The following FAXDC2 variants were observed in gnomAD, a reference collection of about 807,000 sequenced individuals.
The protein encoded by FAXDC2 is fatty acid hydroxylase domain containing 2.
A neutral mutation model predicts 40.9 loss-of-function variants in FAXDC2; 41 were observed. The observed-to-expected ratio is 1.00, with a 90% CI of 0.78 to 1.30. The LOEUF is 1.30. FAXDC2 is among the 50% of genes most tolerant of loss of function. The probability of loss-of-function intolerance (pLI) is 0.00; values close to 1 mark genes in which losing one functional copy is unlikely to be tolerated. For missense variants in FAXDC2, 390 were observed against 408.8 expected, an observed-to-expected ratio of 0.95 and a Z score of 0.40; for synonymous variants, 157 against 149.3, an observed-to-expected ratio of 1.05 and a Z score of -0.38.
At chr5:154,822,281 G>A in intron 7 of FAXDC2, 191 bp downstream of exon 7, 2 of 574,962 alleles carry the variant, frequency 3.5e-6, no homozygotes, top group East Asian at 2.8e-5. Flanking sequence ...GAAAGTTGTT[G>A]GGATGATTAA....
chr5:154,826,795 C>T (rs1041860308), intron 5 of FAXDC2, among the ~76,000 whole-genome samples: 1 of 151,814 alleles, frequency 6.6e-6, no homozygotes, highest in Admixed American at 6.6e-5. Context: ...GAGATGCAGG[C>T]TAAAGGATTT....
At chr5:154,834,554 CA>C (rs1279071381) in intron 4 of FAXDC2, 70 bp downstream of exon 4, 31 of 1,150,900 alleles carry the variant, frequency 2.7e-5, no homozygotes, top group Non-Finnish European at 4.0e-5. Flanking sequence ...AAGTAGAGAA[CA>C]AAACAACAAA....
chr5:154,820,279 G>A lies in FAXDC2; in HGVS notation c.*37C>T. On this transcript the variant is annotated 3_prime_UTR_variant, in exon 9 of 9. Transcript: ENST00000326080. Reference sequence around the variant, plus strand: ...TCAGGAAGCCGTGTCTGCATCCCATGGCTGAGGGACAGCCAGGATGACACT... The same window carrying A: ...TCAGGAAGCCGTGTCTGCATCCCATAGCTGAGGGACAGCCAGGATGACACT... 2 of 1,545,296 alleles carry A rather than the reference G, an allele frequency of 1.3e-6. No individual in the cohort carries two copies. The highest frequency in any genetic ancestry group is 1.8e-6 in the Non-Finnish European group (2 of 1,142,480).
chr5:154,837,377 C>G (rs900868716), intron 2 of FAXDC2, among the ~76,000 whole-genome samples: 2 of 152,080 alleles, frequency 1.3e-5, no homozygotes, highest in Non-Finnish European at 2.9e-5. Flanking sequence ...GATCTTCCAG[C>G]CTTAGTCTCC....
At chr5:154,843,219 T>A (rs938857610) in intron 1 of FAXDC2, among the ~76,000 whole-genome samples, 5 of 152,226 alleles carry the variant, frequency 3.3e-5, no homozygotes, top group African/African-American at 4.8e-5. Context: ...CTTACAGAGC[T>A]CTTTTTGCTA....
At chr5:154,831,507 T>TTG (rs1179328491) in intron 4 of FAXDC2, among the ~76,000 whole-genome samples, 1 of 151,926 alleles carries the variant, frequency 6.6e-6, no homozygotes, top group Admixed American at 6.6e-5. Flanking sequence ...GGAAGTGCAG[T>TTG]TGTGTGATCA....
At chr5:154,844,068 A>C (rs1266884895) in intron 1 of FAXDC2, among the ~76,000 whole-genome samples, 1 of 152,068 alleles carries the variant, frequency 6.6e-6, no homozygotes, top group African/African-American at 2.4e-5. Context: ...AAAATACAAA[A>C]ATTAGCTGGG....
chr5:154,825,650 CAA>C lies in FAXDC2; in HGVS notation c.367-2060_367-2059del, dbSNP rs386358555. Among the ~76,000 whole-genome samples, 378 of 30,146 alleles carry C rather than the reference CAA, an allele frequency of 0.013. 36 individuals are homozygous for C. In the East Asian group the frequency reaches 0.14, roughly 11 times the overall value. 19.8% of individuals were successfully genotyped at this position (30,146 alleles called of 152,430 possible). A position where few individuals can be genotyped will look rare whatever the true frequency, so the allele number is the denominator to read the frequency against. On this transcript the variant is annotated intron_variant, in intron 5 of 8. Coordinates refer to ENST00000326080, the MANE Select transcript of FAXDC2 (RefSeq NM_032385.5). Reference sequence around the variant, plus strand: ...TGGGTGACAGAGTGAGACTCCGTCTCAAAAAAAAAAAAAAAAAAGCAGTAATA... The same window carrying C: ...TGGGTGACAGAGTGAGACTCCGTCTCAAAAAAAAAAAAAAAAGCAGTAATA...
Position 154,838,171 on chromosome 5 carries a change from C to G in FAXDC2, c.8G>C (p.Gly3Ala). The change falls in exon 2 of 9, where the codon GGA becomes GCA. Residue 3 changes from glycine to alanine, a missense_variant. Transcript: ENST00000326080. MK[G>A]EAGHMLHNEK... ...ATTGTGTAGCATATGTCCAGCTTCT[C>G]CTTTCATCTGGAATGAGAAAGCACA... The G allele has an allele frequency of 6.2e-7, 1 of 1,613,632 alleles. No individual in the cohort carries two copies. The highest frequency in any genetic ancestry group is 2.2e-5 in the East Asian group (1 of 44,844).
intron 1 of FAXDC2, among the ~76,000 whole-genome samples, chr5:154,840,593 A>G (rs1333130683): frequency 1.3e-5 from 2 of 151,826 alleles, no homozygotes; most frequent in African/African-American, 4.8e-5. Flanking sequence ...TAGCAGCATG[A>G]TCATGGCTCA....
Position 154,820,476 on chromosome 5 carries a change from G to T in FAXDC2, c.846-4C>A. The T allele has an allele frequency of 6.2e-7, 1 of 1,606,490 alleles. No homozygotes were observed. Among genetic ancestry groups the T allele is most frequent in the Non-Finnish European group, 8.5e-7 (1 of 1,176,222 alleles). ...CACCCCATAGCACTGGTTGAACCTA[G>T]AAGAGAGAGGACGGCACTGCAGTGC... On this transcript the variant is annotated splice_polypyrimidine_tract_variant and splice_region_variant and intron_variant, in intron 8 of 8. Transcript: ENST00000326080.
chr5:154,848,074 T>C (rs942677272), intron 1 of FAXDC2, among the ~76,000 whole-genome samples: 14 of 151,118 alleles, frequency 9.3e-5, no homozygotes, highest in South Asian at 2.1e-4. Flanking sequence ...CTTCTGACCT[T>C]GTGATCCGCC....
chr5:154,838,926 A>G lies in FAXDC2; in HGVS notation c.1-748T>C, dbSNP rs969165790. 6.6e-5 allele frequency: 10 copies of G among 152,128 alleles called. No individual in the cohort carries two copies. In the East Asian group the frequency reaches 1.7e-3, roughly 26 times the overall value. The allele number at this position is 152,128 out of a possible 1,614,324, so 9.4% of individuals were successfully genotyped here. A position where few individuals can be genotyped will look rare whatever the true frequency, so the allele number is the denominator to read the frequency against. On this transcript the variant is annotated intron_variant, in intron 1 of 8. Coordinates refer to ENST00000326080, the MANE Select transcript of FAXDC2 (RefSeq NM_032385.5). The stretch of plus-strand genomic sequence containing the variant: ...AAACATGGACCAAGATTTTTCTGAA[A>G]CCAATCAACAGTTCTATGGAAAAGA...
intron 1 of FAXDC2, 102 bp from the exon 2 acceptor site, chr5:154,838,280 G>GA (rs112016466): frequency 0.16 from 108,054 of 684,420 alleles, 102 homozygotes; most frequent in South Asian, 0.25. Flanking sequence ...AGTGATTTTT[G>GA]AAAAAAAAAA....
intron 2 of FAXDC2, among the ~76,000 whole-genome samples, chr5:154,836,538 G>A (rs1339172608): frequency 6.6e-6 from 1 of 152,216 alleles, no homozygotes; most frequent in African/African-American, 2.4e-5. Flanking sequence ...AAGAACTGGA[G>A]GTGGTGGTCC....
intron 8 of FAXDC2, 85 bp from the exon 9 acceptor site, chr5:154,820,557 T>G (rs1759859162): frequency 1.7e-6 from 2 of 1,164,404 alleles, no homozygotes; most frequent in Non-Finnish European, 2.4e-6. Context: ...CTCACACATT[T>G]CTCAGCCCTC....
chr5:154,837,975 A>T (rs1021173557), intron 2 of FAXDC2, among the ~76,000 whole-genome samples, 156 bp downstream of exon 2: 2 of 152,226 alleles, frequency 1.3e-5, no homozygotes, highest in African/African-American at 2.4e-5. Flanking sequence ...GTTGGCAGTC[A>T]AGTGAACTCT....
intron 6 of FAXDC2, 72 bp from the exon 7 acceptor site, chr5:154,822,649 C>A: frequency 3.4e-6 from 4 of 1,193,628 alleles, no homozygotes; most frequent in Admixed American, 3.6e-5. Context: ...CATGAGAAAC[C>A]AAAAATAGGA....
At chr5:154,830,021 G>C (rs940609161) in intron 5 of FAXDC2, among the ~76,000 whole-genome samples, 1 of 152,192 alleles carries the variant, frequency 6.6e-6, no homozygotes, top group African/African-American at 2.4e-5. Context: ...TGGAGTGCTG[G>C]GCTGGGGCAA....
Sources: allele counts gnomAD v4.1 joint callset (sites outside exome capture counted in the v4.1 genomes callset), GRCh38; gene constraint gnomAD v4.1.1; transcripts MANE v1.5; gene names NCBI Gene and HGNC (gene_info 2026-07-23, HGNC 2026-07-21).